MAGI1: variants seen among roughly 807,000 people sequenced by gnomAD.
MAGI1 encodes membrane-associated guanylate kinase, WW and PDZ domain-containing protein 1.
Under a neutral mutation model 139.9 loss-of-function variants are expected in MAGI1, and 58 were observed. The ratio of observed to expected loss-of-function variants is 0.41; its 90% CI spans 0.34 to 0.52. The LOEUF is 0.52. Among genes scored for constraint, MAGI1 ranks in the 20% least tolerant of loss-of-function variants. MAGI1 has a pLI of 0.12. For missense variants in MAGI1, 1,874 were observed against 1,901.6 expected (o/e 0.99, Z 0.27); for synonymous variants, 812 against 737.9 (o/e 1.10, Z -1.63).
intron 1 of MAGI1, among the ~76,000 whole-genome samples, chr3:65,760,181 G>A (rs1035227030): frequency 2.4e-4 from 36 of 148,170 alleles, no homozygotes; most frequent in African/African-American, 3.7e-4. Context: ...CCTCCTCCCC[G>A]TCCTCCTTTA....
At chr3:65,751,046 T>G (rs1412183233) in intron 1 of MAGI1, among the ~76,000 whole-genome samples, 1 of 152,188 alleles carries the variant, frequency 6.6e-6, no homozygotes, top group African/African-American at 2.4e-5. Flanking sequence ...CAGAAATTTG[T>G]GATGAGGGTT....
chr3:65,783,803 C>CAA (rs71102879), intron 1 of MAGI1, among the ~76,000 whole-genome samples: 2,758 of 129,768 alleles, frequency 0.021, 129 homozygotes, highest in African/African-American at 0.074. Flanking sequence ...CAGCCTGTAC[C>CAA]AAAAAAAAAA....
At chr3:65,437,393 T>C (rs527318432) in intron 9 of MAGI1, 146 bp from the exon 10 acceptor site, 1 of 411,236 alleles carries the variant, frequency 2.4e-6, no homozygotes, top group Non-Finnish European at 4.1e-6. Flanking sequence ...CTGACCTCAT[T>C]CTATGAAGCT....
chr3:65,877,109 G>A (rs1036941498), intron 1 of MAGI1, among the ~76,000 whole-genome samples: 2 of 152,000 alleles, frequency 1.3e-5, no homozygotes, highest in Non-Finnish European at 2.9e-5. Context: ...GTTTAAGCTG[G>A]GACTCAAATG....
intron 2 of MAGI1, among the ~76,000 whole-genome samples, chr3:65,567,103 T>C (rs955275838): frequency 1.3e-5 from 2 of 151,364 alleles, no homozygotes; most frequent in African/African-American, 4.9e-5. Flanking sequence ...CAGACAAAAC[T>C]GGCAGGACCT....
intron 5 of MAGI1, among the ~76,000 whole-genome samples, chr3:65,468,980 A>AATAAATAAATAT (rs1253348528): frequency 5.3e-5 from 8 of 151,278 alleles, no homozygotes; most frequent in African/African-American, 1.9e-4. Flanking sequence ...TAAATAAATA[A>AATAAATAAATAT]ATAAATAAAT....
intron 2 of MAGI1, among the ~76,000 whole-genome samples, chr3:65,607,743 C>G (rs1226310032): frequency 6.6e-6 from 1 of 152,114 alleles, no homozygotes; most frequent in East Asian, 1.9e-4. Flanking sequence ...TTGTTCCCAT[C>G]ACAAGAAAAA....
intron 1 of MAGI1, among the ~76,000 whole-genome samples, chr3:65,770,682 T>C (rs1461211706): frequency 1.3e-5 from 2 of 152,132 alleles, no homozygotes; most frequent in African/African-American, 4.8e-5. Flanking sequence ...AGTAAATTAT[T>C]ATTCATTTAT....
intron 2 of MAGI1, among the ~76,000 whole-genome samples, chr3:65,532,113 T>C (rs368258250): frequency 2.0e-4 from 31 of 152,336 alleles, no homozygotes; most frequent in African/African-American, 7.5e-4. Context: ...TTTTCTGTAA[T>C]AGTTAGAGAA....
At chr3:65,563,866 A>G (rs1357002295) in intron 2 of MAGI1, among the ~76,000 whole-genome samples, 1 of 152,216 alleles carries the variant, frequency 6.6e-6, no homozygotes, top group Non-Finnish European at 1.5e-5. Context: ...TGAGACCAGT[A>G]TGCCAAGCCT....
At chr3:65,525,006 C>T (rs2078321012) in intron 2 of MAGI1, among the ~76,000 whole-genome samples, 1 of 152,136 alleles carries the variant, frequency 6.6e-6, no homozygotes. Context: ...ATTTCACCAT[C>T]GAGGTTCACT....
At chr3:65,881,873 A>C (rs1170846893) in intron 1 of MAGI1, among the ~76,000 whole-genome samples, 1 of 152,174 alleles carries the variant, frequency 6.6e-6, no homozygotes, top group African/African-American at 2.4e-5. Context: ...TCAAAAAGGC[A>C]TAAGAGCCTC....
At chr3:65,964,218 C>T (rs763516450) in intron 1 of MAGI1, among the ~76,000 whole-genome samples, 9 of 152,136 alleles carry the variant, frequency 5.9e-5, no homozygotes, top group Non-Finnish European at 8.8e-5. Context: ...ATTACCTTAG[C>T]GTCAGAGATC....
intron 3 of MAGI1, among the ~76,000 whole-genome samples, chr3:65,486,915 A>G (rs866314466): frequency 6.6e-6 from 1 of 152,226 alleles, no homozygotes; most frequent in Non-Finnish European, 1.5e-5. Context: ...AATAGAAGAC[A>G]GAAACTAGGA....
chr3:65,852,731 G>A (rs563576859), intron 1 of MAGI1, among the ~76,000 whole-genome samples: 8 of 151,858 alleles, frequency 5.3e-5, no homozygotes, highest in African/African-American at 1.7e-4. Flanking sequence ...TCGAACTCCC[G>A]ACCTCAGGTG....
At chr3:65,608,793 CAT>C (rs1417834402) in intron 2 of MAGI1, among the ~76,000 whole-genome samples, 1 of 152,106 alleles carries the variant, frequency 6.6e-6, no homozygotes, top group African/African-American at 2.4e-5. Flanking sequence ...GAATTGTGCA[CAT>C]ATGTCCATTG....
intron 1 of MAGI1, among the ~76,000 whole-genome samples, chr3:66,035,814 C>T (rs1272864884): frequency 6.6e-6 from 1 of 152,178 alleles, no homozygotes; most frequent in African/African-American, 2.4e-5. Flanking sequence ...CCTTTCAACT[C>T]AGAGGTGTCT....
chr3:65,858,129 A>AC (rs199959829), intron 1 of MAGI1, among the ~76,000 whole-genome samples: 2 of 151,904 alleles, frequency 1.3e-5, no homozygotes, highest in Non-Finnish European at 2.9e-5. Flanking sequence ...AAACAAACAA[A>AC]AATAATATTA....
rs186332922 is a variant in MAGI1, at chr3:65,897,269, A to C, written c.313+140727T>G. ...CACACTCTTTTGCATTAGAAAATTA[A>C]TGGACTTTAATTCCAACACTTTGAG... is the stretch of plus-strand genomic sequence containing the variant. On this transcript the variant is annotated intron_variant, in intron 1 of 22. Transcript: ENST00000402939. 2.4e-3 allele frequency among the ~76,000 whole-genome samples: 361 copies of C among 152,286 alleles called. 3 individuals carry two copies. Among genetic ancestry groups the C allele is most frequent in the African/African-American group, 7.7e-3 (319 of 41,548 alleles).
Sources: gnomAD v4.1 joint callset for allele counts (sites outside exome capture counted in the v4.1 genomes callset) on GRCh38, gnomAD v4.1.1 for gene constraint, MANE v1.5 for transcripts, NCBI Gene and HGNC (gene_info 2026-07-23, HGNC 2026-07-21) for gene names.